The following SOS1 variants were observed in gnomAD, a reference collection of about 807,000 sequenced individuals.
SOS1 encodes the protein son of sevenless homolog 1.
A neutral mutation model predicts 157.6 loss-of-function variants in SOS1; 25 were observed. The ratio of observed to expected loss-of-function variants is 0.16; its 90% CI spans 0.12 to 0.22. The LOEUF is 0.22. SOS1 is among the 10% of genes least tolerant of loss of function. The pLI is 1.00. For synonymous variants in SOS1, 528 were observed against 534.0 expected (o/e 0.99, Z 0.16); for missense variants, 1,237 against 1,599.1 (o/e 0.77, Z 3.86).
intron 1 of SOS1, among the ~76,000 whole-genome samples, chr2:39,080,670 G>C (rs561246380): frequency 6.6e-6 from 1 of 151,866 alleles, no homozygotes; most frequent in East Asian, 1.9e-4. Flanking sequence ...GCTGAGTATT[G>C]AGAAAAACAA....
chr2:38,999,206 G>C (rs910677854), intron 17 of SOS1, among the ~76,000 whole-genome samples: 1 of 152,210 alleles, frequency 6.6e-6, no homozygotes, highest in Non-Finnish European at 1.5e-5. Context: ...TAAAGGCATT[G>C]ATTCATGATG....
At chr2:39,109,287 C>T (rs1362106533) in intron 1 of SOS1, among the ~76,000 whole-genome samples, 1 of 152,218 alleles carries the variant, frequency 6.6e-6, no homozygotes, top group African/African-American at 2.4e-5. Flanking sequence ...AGTCTCCTAG[C>T]TTCTCATTGC....
At chr2:39,114,549 G>A (rs999607686) in intron 1 of SOS1, among the ~76,000 whole-genome samples, 4 of 151,628 alleles carry the variant, frequency 2.6e-5, no homozygotes, top group Middle Eastern at 3.2e-3. Flanking sequence ...GTGATCCCCC[G>A]CCTCAGCCTC....
chr2:39,062,571 C>A (rs1671446272), intron 2 of SOS1, among the ~76,000 whole-genome samples: 2 of 134,826 alleles, frequency 1.5e-5, no homozygotes, highest in Admixed American at 7.5e-5. Context: ...GGGCTAATGA[C>A]AATAAAAAGT....
At chr2:39,071,834 C>A (rs184026640) in intron 1 of SOS1, among the ~76,000 whole-genome samples, 2 of 151,654 alleles carry the variant, frequency 1.3e-5, no homozygotes, top group Non-Finnish European at 2.9e-5. Flanking sequence ...TGCTAAAACA[C>A]GGCATGCAGT....
At chr2:39,102,121 C>G (rs1162771505) in intron 1 of SOS1, among the ~76,000 whole-genome samples, 1 of 140,988 alleles carries the variant, frequency 7.1e-6, no homozygotes, top group African/African-American at 2.7e-5. Context: ...AGGAGAATCA[C>G]TTGAACCTGG....
At position 39,120,712 on chromosome 2, in the gene SOS1, G is replaced by T. The variant is rs1433802945; in HGVS notation, c.-290C>A. Among the ~76,000 whole-genome samples the T allele has an allele frequency of 2.0e-5, 3 of 146,608 alleles. No individual in the cohort carries two copies. ...CAGGCCCCCCGCCCCTCCCCGGCCCGCCGGCGCCGCCCCGGGCTGCCCTCT... is the reference window on the plus strand; with the variant it reads ...CAGGCCCCCCGCCCCTCCCCGGCCCTCCGGCGCCGCCCCGGGCTGCCCTCT... On this transcript the variant is annotated 5_prime_UTR_variant, in exon 1 of 23. Coordinates refer to ENST00000402219, the MANE Select transcript of SOS1 (RefSeq NM_005633.4).
rs1168156717 is a variant in SOS1, at chr2:38,985,801, T to C, written c.*23A>G. 2 of 1,608,920 alleles carry C rather than the reference T, an allele frequency of 1.2e-6. No individual in the cohort carries two copies. The highest frequency in any genetic ancestry group is 1.7e-5 in the Admixed American group (1 of 59,846). On this transcript the variant is annotated 3_prime_UTR_variant, in exon 23 of 23. Transcript: ENST00000402219. ...AGCAATGGATTTGGGGCTAGGAAAA[T>C]ATACATCCCAGTACAGAGGAACTCA...
intron 6 of SOS1, among the ~76,000 whole-genome samples, chr2:39,046,902 T>C (rs1001302525): frequency 1.3e-5 from 2 of 152,264 alleles, no homozygotes; most frequent in African/African-American, 2.4e-5. Context: ...CATCTTATAA[T>C]GAGTGTCTAC....
intron 20 of SOS1, among the ~76,000 whole-genome samples, chr2:38,991,827 G>A (rs1165059734): frequency 2.6e-5 from 4 of 151,480 alleles, no homozygotes; most frequent in Admixed American, 6.6e-5. Flanking sequence ...TCCCAGTGAA[G>A]ACGTGTAAGT....
At chr2:39,121,640 T>C (rs1673898773), upstream of SOS1, among the ~76,000 whole-genome samples, 1 of 152,244 alleles carries the variant, frequency 6.6e-6, no homozygotes, top group African/African-American at 2.4e-5. Flanking sequence ...GAGACCTCTT[T>C]TACAGCTCCT....
At chr2:39,065,518 C>T (rs890048863) in intron 2 of SOS1, among the ~76,000 whole-genome samples, 9 of 152,330 alleles carry the variant, frequency 5.9e-5, no homozygotes, top group Middle Eastern at 6.8e-3. Flanking sequence ...TGAAATCTTA[C>T]ATTCAAACAA....
chr2:39,024,155 C>A lies in SOS1; in HGVS notation c.1075-18G>T. On this transcript the variant is annotated intron_variant, in intron 8 of 22. Transcript: ENST00000402219. ...TCTAACTGCTGTAAAGCCAAAATGA[C>A]AAATCTGAACCAGTAGTACATTTTT... is the stretch of plus-strand genomic sequence containing the variant. The A allele has an allele frequency of 6.3e-7, 1 of 1,598,552 alleles. No individual in the cohort carries two copies. The highest frequency in any genetic ancestry group is 8.6e-7 in the Non-Finnish European group (1 of 1,166,484).
At chr2:39,025,394 GGCTAGGGT>G (rs964905975) in intron 8 of SOS1, among the ~76,000 whole-genome samples, 3 of 151,596 alleles carry the variant, frequency 2.0e-5, no homozygotes, top group African/African-American at 4.9e-5. Context: ...CTGTACCCCA[GGCTAGGGT>G]GCAGCGGTGC....
At chr2:39,010,158 A>T (rs1035790737) in intron 15 of SOS1, among the ~76,000 whole-genome samples, 2 of 152,046 alleles carry the variant, frequency 1.3e-5, no homozygotes, top group Admixed American at 6.6e-5. Context: ...TCTACTAAAA[A>T]TACTAAAATT....
intron 1 of SOS1, among the ~76,000 whole-genome samples, chr2:39,092,874 A>G (rs1469413879): frequency 6.6e-6 from 1 of 152,232 alleles, no homozygotes; most frequent in Non-Finnish European, 1.5e-5. Flanking sequence ...GGCATTTGAG[A>G]AAAACTTCAT....
chr2:39,031,516 G>C (rs1394850166), intron 8 of SOS1, among the ~76,000 whole-genome samples: 1 of 152,142 alleles, frequency 6.6e-6, no homozygotes, highest in Non-Finnish European at 1.5e-5. Context: ...GATCACTTGA[G>C]GTCAGGAGTT....
In SOS1 at chr2:39,035,213, T is replaced by C; in HGVS notation, c.1073A>G (p.Lys358Arg). 6.2e-7 allele frequency: 1 copy of C among 1,606,668 alleles called. No homozygotes were observed. The highest frequency in any genetic ancestry group is 8.5e-7 in the Non-Finnish European group (1 of 1,173,490). Residue 358 changes from lysine (K) to arginine (R), a missense_variant and splice_region_variant, in exon 8 of 23, where the codon AAG becomes AGG. Physicochemically the swap from Lys to Arg is conservative, Grantham distance 26. Coordinates refer to ENST00000402219, the MANE Select transcript of SOS1 (RefSeq NM_005633.4). The stretch of plus-strand genomic sequence containing the variant: ...AATAACAATAAAGAGTTTTCTTACC[T>C]TCAAAAGTTCAAAGTAATGGAGACA... ...YHCLHYFELL[K>R]QLEEKSEDQE...
intron 1 of SOS1, among the ~76,000 whole-genome samples, chr2:39,081,495 G>A (rs374901813): frequency 6.6e-5 from 10 of 150,718 alleles, no homozygotes; most frequent in Non-Finnish European, 1.0e-4. Context: ...ATTCTACCTT[G>A]GGCAACAGAG....
Sources: allele counts gnomAD v4.1 joint callset (sites outside exome capture counted in the v4.1 genomes callset), GRCh38; gene constraint gnomAD v4.1.1; transcripts MANE v1.5; gene names NCBI Gene and HGNC (gene_info 2026-07-23, HGNC 2026-07-21).